CSMD1: variants seen among roughly 807,000 people sequenced by gnomAD.
CSMD1 encodes CUB and sushi domain-containing protein 1.
A neutral mutation model predicts 417.5 loss-of-function variants in CSMD1; 213 were observed. The ratio of observed to expected loss-of-function variants is 0.51; its 90% CI spans 0.46 to 0.57. The LOEUF is 0.57. Ranked by LOEUF, CSMD1 falls within the 20% of genes least tolerant of loss-of-function variation. CSMD1 has a pLI of 0.00. For missense variants in CSMD1, 6,923 were observed against 4,529.7 expected (o/e 1.53, Z -15.17); for synonymous variants, 2,862 against 1,736.8 (o/e 1.65, Z -16.11).
intron 3 of CSMD1, among the ~76,000 whole-genome samples, chr8:4,200,801 T>A (rs777438550): frequency 1.3e-5 from 2 of 152,208 alleles, no homozygotes; most frequent in African/African-American, 2.4e-5. Context: ...GAGGCTTCAG[T>A]GAACTATTGT....
At chr8:4,781,739 T>C (rs1213980410) in intron 1 of CSMD1, among the ~76,000 whole-genome samples, 1 of 152,208 alleles carries the variant, frequency 6.6e-6, no homozygotes, top group Non-Finnish European at 1.5e-5. Flanking sequence ...AAATGCTTAC[T>C]ATATGGTAAC....
At chr8:4,208,893 T>A (rs539941941) in intron 3 of CSMD1, among the ~76,000 whole-genome samples, 10 of 152,186 alleles carry the variant, frequency 6.6e-5, no homozygotes, top group Non-Finnish European at 1.5e-4. Flanking sequence ...GAGATTTTCT[T>A]AAATTTCTTT....
At chr8:3,756,738 C>T (rs1262076567) in intron 5 of CSMD1, among the ~76,000 whole-genome samples, 2 of 152,096 alleles carry the variant, frequency 1.3e-5, no homozygotes, top group African/African-American at 4.8e-5. Flanking sequence ...CTGCTTTGAA[C>T]ATATATATTT....
chr8:3,928,952 C>A lies in CSMD1; in HGVS notation c.818+68951G>T, dbSNP rs574018594. Among the ~76,000 whole-genome samples, 9 of 150,438 alleles carry A rather than the reference C, an allele frequency of 6.0e-5. No individual in the cohort carries two copies. The East Asian group carries it at 1.8e-3, about 29-fold the overall frequency. ...TTATCAACCTGCAATAAAATGAATG[C>A]TGTGGTTTTGTGTGCTAAAACAATT... is the stretch of plus-strand genomic sequence containing the variant. On this transcript the variant is annotated intron_variant, in intron 5 of 69. Coordinates refer to ENST00000635120, the MANE Select transcript of CSMD1 (RefSeq NM_033225.6).
chr8:3,805,185 G>A (rs538479194), intron 5 of CSMD1, among the ~76,000 whole-genome samples: 2 of 152,204 alleles, frequency 1.3e-5, no homozygotes, highest in East Asian at 3.9e-4. Context: ...TATTCCCCAG[G>A]ACTACAACAT....
chr8:4,443,854 A>C (rs1798624618), intron 2 of CSMD1, among the ~76,000 whole-genome samples: 1 of 152,222 alleles, frequency 6.6e-6, no homozygotes, highest in African/African-American at 2.4e-5. Flanking sequence ...CTGGGTAACA[A>C]AGTTGACATG....
chr8:4,204,395 T>G (rs920321584), intron 3 of CSMD1, among the ~76,000 whole-genome samples: 2 of 152,148 alleles, frequency 1.3e-5, no homozygotes, highest in Non-Finnish European at 2.9e-5. Context: ...GTTCTACAAA[T>G]TAGGAAAGAT....
chr8:3,530,344 G>C (rs1797925530), intron 10 of CSMD1, among the ~76,000 whole-genome samples: 1 of 152,056 alleles, frequency 6.6e-6, no homozygotes. Context: ...GTAAGTTTTG[G>C]TATGTTGTAA....
At chr8:3,065,555 G>C (rs937000222) in intron 49 of CSMD1, among the ~76,000 whole-genome samples, 1 of 151,858 alleles carries the variant, frequency 6.6e-6, no homozygotes, top group Non-Finnish European at 1.5e-5. Flanking sequence ...TATATAGAAA[G>C]GAAAATGATA....
intron 3 of CSMD1, among the ~76,000 whole-genome samples, chr8:4,119,389 G>T (rs975311485): frequency 2.6e-5 from 4 of 152,176 alleles, no homozygotes; most frequent in Non-Finnish European, 4.4e-5. Flanking sequence ...ATCTACTACT[G>T]ATTTTACTGT....
chr8:2,975,335 T>C (rs1486090551), intron 55 of CSMD1, among the ~76,000 whole-genome samples: 2 of 152,200 alleles, frequency 1.3e-5, no homozygotes, highest in East Asian at 1.9e-4. Context: ...TATTTTTCCT[T>C]TACTGTACAG....
At chr8:4,084,981 A>G (rs1800344288) in intron 3 of CSMD1, among the ~76,000 whole-genome samples, 1 of 152,134 alleles carries the variant, frequency 6.6e-6, no homozygotes, top group South Asian at 2.1e-4. Context: ...CCATATTACC[A>G]CAGCAGGCGC....
At chr8:3,960,231 T>C (rs1454086381) in intron 5 of CSMD1, among the ~76,000 whole-genome samples, 1 of 152,210 alleles carries the variant, frequency 6.6e-6, no homozygotes, top group African/African-American at 2.4e-5. Context: ...GAAAATTTTA[T>C]TTCCTCTCCT....
intron 51 of CSMD1, among the ~76,000 whole-genome samples, chr8:3,026,195 T>G (rs77933666): frequency 0.015 from 2,339 of 152,200 alleles, 19 homozygotes; most frequent in East Asian, 0.036. Context: ...GAGGGCCTGG[T>G]GGGGTGGGGG....
intron 1 of CSMD1, among the ~76,000 whole-genome samples, chr8:4,927,363 C>A (rs1806940499): frequency 6.6e-6 from 1 of 151,978 alleles, no homozygotes; most frequent in Non-Finnish European, 1.5e-5. Flanking sequence ...CGGCCAAATG[C>A]ATTATTTAAT....
intron 7 of CSMD1, among the ~76,000 whole-genome samples, chr8:3,639,620 C>T (rs1423283860): frequency 6.6e-6 from 1 of 152,222 alleles, no homozygotes; most frequent in Non-Finnish European, 1.5e-5. Flanking sequence ...ATTAATGATT[C>T]TAAATCCCAA....
intron 5 of CSMD1, among the ~76,000 whole-genome samples, chr8:3,983,330 C>T (rs1440005451): frequency 1.3e-5 from 2 of 152,038 alleles, no homozygotes; most frequent in African/African-American, 4.8e-5. Context: ...TGGGGTTTCA[C>T]CGTGTTGGCC....
intron 1 of CSMD1, among the ~76,000 whole-genome samples, chr8:4,907,719 C>G (rs969112199): frequency 9.2e-6 from 1 of 108,600 alleles, no homozygotes; most frequent in South Asian, 3.1e-4. Context: ...CCACTATCCC[C>G]GGCAATTTTT....
intron 3 of CSMD1, among the ~76,000 whole-genome samples, chr8:4,308,415 T>C (rs1025197674): frequency 6.8e-6 from 1 of 146,404 alleles, no homozygotes; most frequent in African/African-American, 2.7e-5. Flanking sequence ...GTGTGTGTGT[T>C]ATGTGGAAAG....
Sources: gnomAD v4.1 joint callset for allele counts (sites outside exome capture counted in the v4.1 genomes callset) on GRCh38, gnomAD v4.1.1 for gene constraint, MANE v1.5 for transcripts, NCBI Gene and HGNC (gene_info 2026-07-23, HGNC 2026-07-21) for gene names.